FYN: variants seen among roughly 807,000 people sequenced by gnomAD.
FYN encodes the protein tyrosine-protein kinase Fyn.
Under a neutral mutation model 70.2 loss-of-function variants are expected in FYN, and 10 were observed. That is an observed-to-expected ratio of 0.14 (90% CI 0.09 to 0.24). FYN has a LOEUF of 0.24. Ranked by LOEUF, FYN falls within the 10% of genes least tolerant of loss-of-function variation. The probability of loss-of-function intolerance (pLI) is 1.00; values close to 1 mark genes in which losing one functional copy is unlikely to be tolerated. For missense variants in FYN, 319 were observed against 673.1 expected (o/e 0.47, Z 5.82); for synonymous variants, 236 against 248.6 (o/e 0.95, Z 0.48).
chr6:111,680,098 C>A (rs1798720388), intron 12 of FYN, among the ~76,000 whole-genome samples: 1 of 152,172 alleles, frequency 6.6e-6, no homozygotes, highest in South Asian at 2.1e-4. Flanking sequence ...TAATAATCAT[C>A]CATGCTTCAA....
intron 3 of FYN, among the ~76,000 whole-genome samples, chr6:111,753,669 G>A (rs1471794141): frequency 5.3e-5 from 8 of 152,030 alleles, no homozygotes; most frequent in African/African-American, 1.4e-4. Context: ...AGTACAGGAC[G>A]GTGGACATGT....
intron 12 of FYN, among the ~76,000 whole-genome samples, chr6:111,682,999 AAAG>A (rs1198491376): frequency 6.6e-6 from 1 of 152,222 alleles, no homozygotes; most frequent in Non-Finnish European, 1.5e-5. Context: ...CAGAAGAGGA[AAAG>A]AAGATGAAAA....
intron 9 of FYN, chr6:111,699,440 G>A: frequency 6.7e-7 from 1 of 1,482,826 alleles, no homozygotes; most frequent in Non-Finnish European, 9.2e-7. Flanking sequence ...ACGGCTGTGT[G>A]TGCATTTTTG....
intron 4 of FYN, chr6:111,719,572 G>A: frequency 4.1e-6 from 2 of 491,502 alleles, no homozygotes; most frequent in Non-Finnish European, 7.3e-6. Flanking sequence ...AACCCATATA[G>A]AATCCTCAGA....
chr6:111,756,558 A>C (rs1802746107), intron 3 of FYN, among the ~76,000 whole-genome samples: 1 of 152,190 alleles, frequency 6.6e-6, no homozygotes, highest in South Asian at 2.1e-4. Context: ...TATAAATACA[A>C]ATGTAAAAAT....
intron 1 of FYN, among the ~76,000 whole-genome samples, chr6:111,856,856 C>G (rs974713620): frequency 6.6e-6 from 1 of 152,052 alleles, no homozygotes; most frequent in South Asian, 2.1e-4. Flanking sequence ...CAGGCAACTC[C>G]GCACCTCACC....
intron 2 of FYN, among the ~76,000 whole-genome samples, chr6:111,790,099 G>T (rs960905453): frequency 2.6e-5 from 4 of 152,016 alleles, no homozygotes; most frequent in African/African-American, 9.7e-5. Context: ...AACTGTGTGT[G>T]TGTGTGTGTG....
At chr6:111,709,045 C>T (rs1018321424) in intron 5 of FYN, 1 of 152,218 alleles carries the variant, frequency 6.6e-6, no homozygotes, top group Admixed American at 6.5e-5. Context: ...TGAGTATCTG[C>T]AGAACCTTCC....
chr6:111,869,391 A>G, intron 1 of FYN, among the ~76,000 whole-genome samples: 1 of 152,072 alleles, frequency 6.6e-6, no homozygotes, highest in East Asian at 1.9e-4. Context: ...TGGGACTGTG[A>G]TTTCTGTTTT....
intron 12 of FYN, among the ~76,000 whole-genome samples, chr6:111,685,934 T>C (rs975174367): frequency 4.6e-5 from 7 of 152,050 alleles, no homozygotes; most frequent in Admixed American, 1.3e-4. Context: ...CTCCAATCCA[T>C]TTGTATCCTC....
chr6:111,790,641 A>G (rs1332940219), intron 2 of FYN, among the ~76,000 whole-genome samples: 3 of 152,206 alleles, frequency 2.0e-5, no homozygotes, highest in African/African-American at 7.2e-5. Context: ...TGCATTTTAA[A>G]GTAATAATTG....
intron 3 of FYN, among the ~76,000 whole-genome samples, chr6:111,733,930 T>C (rs914975002): frequency 6.6e-6 from 1 of 152,084 alleles, no homozygotes. Context: ...TCTACAAATA[T>C]ACAAACATTA....
intron 2 of FYN, chr6:111,844,764 T>A (rs1773471495): frequency 6.6e-6 from 1 of 152,252 alleles, no homozygotes; most frequent in East Asian, 1.9e-4. Flanking sequence ...TCCCAATCCA[T>A]AACTGGTCTT....
intron 2 of FYN, among the ~76,000 whole-genome samples, chr6:111,806,323 AGAG>A (rs1438410133): frequency 1.3e-5 from 2 of 152,156 alleles, no homozygotes; most frequent in South Asian, 2.1e-4. Context: ...AAGGCTAACC[AGAG>A]GAGGAGGGGG....
chr6:111,673,619 A>ATCGTTTTTTTTTTTTTTTTT (rs1554272175), intron 13 of FYN, among the ~76,000 whole-genome samples: 2 of 65,008 alleles, frequency 3.1e-5, no homozygotes, highest in Non-Finnish European at 3.2e-5. Context: ...CGTTTCTATC[A>ATCGTTTTTTTTTTTTTTTTT]TTGTTTTTTT....
intron 3 of FYN, among the ~76,000 whole-genome samples, chr6:111,751,485 C>T (rs369737872): frequency 7.0e-6 from 1 of 143,712 alleles, no homozygotes. Context: ...ACTGCTGACA[C>T]AGTATAACTA....
intron 2 of FYN, chr6:111,819,831 T>A (rs944476388): frequency 3.3e-4 from 50 of 152,310 alleles, no homozygotes; most frequent in African/African-American, 1.1e-3. Flanking sequence ...CCCAAATAAA[T>A]TTAAAAAATA....
intron 7 of FYN, 88 bp downstream of exon 7, chr6:111,703,911 C>T (rs1303454825): frequency 3.9e-6 from 4 of 1,026,942 alleles, no homozygotes; most frequent in Non-Finnish European, 6.1e-6. Flanking sequence ...ATTTTAAAAT[C>T]CTTGTACATT....
intron 2 of FYN, among the ~76,000 whole-genome samples, chr6:111,844,232 A>C (rs769473186): frequency 6.6e-6 from 1 of 152,384 alleles, no homozygotes; most frequent in South Asian, 2.1e-4. Context: ...TTTGAGCTTT[A>C]GCATGTCAAA....
Sources: gnomAD v4.1 joint callset for allele counts (sites outside exome capture counted in the v4.1 genomes callset) on GRCh38, gnomAD v4.1.1 for gene constraint, MANE v1.5 for transcripts, NCBI Gene and HGNC (gene_info 2026-07-23, HGNC 2026-07-21) for gene names.